RB1: variants seen among roughly 807,000 people sequenced by gnomAD.
The protein encoded by RB1 is retinoblastoma-associated protein.
In RB1, 18 loss-of-function variants were observed where a neutral mutation model predicts 135.4. The ratio of observed to expected loss-of-function variants is 0.13; its 90% confidence interval spans 0.09 to 0.20. The LOEUF (loss-of-function observed/expected upper bound fraction) is 0.20, where lower values mean the gene tolerates loss of function less well. Ranked by LOEUF, RB1 falls within the 10% of genes least tolerant of loss-of-function variation. RB1 has a pLI of 1.00. For missense variants in RB1, 868 were observed against 1,110.0 expected (o/e 0.78, Z 3.10); for synonymous variants, 365 against 373.2 (o/e 0.98, Z 0.25).
intron 2 of RB1, among the ~76,000 whole-genome samples, chr13:48,339,374 G>T (rs139252308): frequency 1.3e-5 from 2 of 152,170 alleles, no homozygotes; most frequent in Non-Finnish European, 2.9e-5. Context: ...CAGCAATGGC[G>T]GGCGCCCCTC....
intron 17 of RB1, chr13:48,411,180 G>T: frequency 2.1e-6 from 1 of 469,840 alleles, no homozygotes; most frequent in Non-Finnish European, 3.8e-6. Context: ...AAATCAAAAT[G>T]GCTCAGAAAA....
intron 23 of RB1, among the ~76,000 whole-genome samples, chr13:48,465,654 A>T (rs1488743931): frequency 6.6e-6 from 1 of 151,628 alleles, no homozygotes; most frequent in Non-Finnish European, 1.5e-5. Flanking sequence ...TACCGGGTTC[A>T]TCTCACTAGG....
At chr13:48,318,426 A>G (rs1046362863) in intron 2 of RB1, 19 of 1,488,238 alleles carry the variant, frequency 1.3e-5, no homozygotes, top group African/African-American at 2.8e-5. Flanking sequence ...GTCACTGTCC[A>G]GGGAGCTGCT....
chr13:48,426,497 T>C (rs963855279), intron 17 of RB1: 5 of 152,214 alleles, frequency 3.3e-5, no homozygotes, highest in Admixed American at 1.3e-4. Flanking sequence ...GGTTAACACA[T>C]TGCATATTGC....
chr13:48,351,982 T>G (rs557112877), intron 6 of RB1, among the ~76,000 whole-genome samples: 68 of 152,038 alleles, frequency 4.5e-4, no homozygotes, highest in African/African-American at 1.6e-3. Context: ...CCTGGCCATC[T>G]TCAATCCATC....
At chr13:48,311,988 A>G (rs777035690) in intron 2 of RB1, among the ~76,000 whole-genome samples, 4 of 152,246 alleles carry the variant, frequency 2.6e-5, no homozygotes, top group Non-Finnish European at 5.9e-5. Context: ...GGCGTGAGCC[A>G]CTGTGCCTGG....
intron 24 of RB1, among the ~76,000 whole-genome samples, chr13:48,474,466 A>T (rs1229751081): frequency 6.6e-6 from 1 of 152,210 alleles, no homozygotes; most frequent in Non-Finnish European, 1.5e-5. Context: ...GATACCATGT[A>T]TGTATGTACA....
Position 48,480,277 on chromosome 13 carries a change from A to C in RB1, c.*206A>C. ...GTCATTGTTATTTATACAAGATTGA[A>C]AATCTTGTGTAAATCCTGCCATTTA... On this transcript the variant is annotated 3_prime_UTR_variant, in exon 27 of 27. Transcript: ENST00000267163. The C allele has an allele frequency of 3.4e-6, 2 of 581,048 alleles. No individual in the cohort carries two copies. Among genetic ancestry groups the C allele is most frequent in the Non-Finnish European group, 6.2e-6 (2 of 323,418 alleles). The allele number at this position is 581,048 out of a possible 1,614,324, so 36.0% of individuals were successfully genotyped here. A position where few individuals can be genotyped will look rare whatever the true frequency, so the allele number is the denominator to read the frequency against.
At chr13:48,349,125 C>G (rs1358480521) in intron 6 of RB1, 102 bp downstream of exon 6, 2 of 1,193,028 alleles carry the variant, frequency 1.7e-6, no homozygotes, top group Non-Finnish European at 2.3e-6. Flanking sequence ...TAATGTACTC[C>G]TCCCTCATTC....
At chr13:48,313,218 T>G (rs1952146805) in intron 2 of RB1, among the ~76,000 whole-genome samples, 1 of 152,180 alleles carries the variant, frequency 6.6e-6, no homozygotes, top group Non-Finnish European at 1.5e-5. Flanking sequence ...AATTCTGTTT[T>G]TAAGATGCAG....
In RB1 at chr13:48,476,808, C is replaced by T. The variant is rs1593547215; in HGVS notation, c.2628C>T (p.Arg876=). The T allele has an allele frequency of 6.2e-7, 1 of 1,613,674 alleles. No homozygotes were observed. The highest frequency in any genetic ancestry group is 8.5e-7 in the Non-Finnish European group (1 of 1,179,674). ...CTCCTAAACCACTGAAAAAACTACG[C>T]TTTGATATTGAAGGATCAGATGAAG... ...SNPPKPLKKL[R]FDIEGSDEAD... The change falls in exon 25 of 27, where the codon CGC becomes CGT. Residue 876 remains arginine, a synonymous_variant. Transcript: ENST00000267163.
intron 17 of RB1, among the ~76,000 whole-genome samples, chr13:48,398,099 C>G (rs868304405): frequency 1.3e-5 from 2 of 152,252 alleles, no homozygotes; most frequent in South Asian, 2.1e-4. Context: ...GCCATATATA[C>G]TTTTACACAA....
chr13:48,340,052 G>C (rs1952429066), intron 2 of RB1, among the ~76,000 whole-genome samples: 1 of 152,118 alleles, frequency 6.6e-6, no homozygotes, highest in East Asian at 1.9e-4. Context: ...GGTAATGGAG[G>C]AAGGATATTC....
At chr13:48,317,471 T>C in intron 2 of RB1, 1 of 432,694 alleles carries the variant, frequency 2.3e-6, no homozygotes, top group Non-Finnish European at 4.2e-6. Flanking sequence ...TGGCTAGGGG[T>C]CAGGAAGCCC....
At chr13:48,416,901 A>C (rs897583277) in intron 17 of RB1, among the ~76,000 whole-genome samples, 2 of 152,164 alleles carry the variant, frequency 1.3e-5, no homozygotes, top group African/African-American at 4.8e-5. Flanking sequence ...CTCTGAAAAA[A>C]AGGCAGCAGC....
intron 6 of RB1, among the ~76,000 whole-genome samples, chr13:48,354,458 T>C (rs1952573678): frequency 6.6e-5 from 10 of 152,102 alleles, no homozygotes; most frequent in Admixed American, 5.9e-4. Context: ...AAAAAAATTT[T>C]ATGTTGTTCA....
intron 2 of RB1, among the ~76,000 whole-genome samples, chr13:48,332,742 A>C (rs1169844207): frequency 1.3e-5 from 2 of 152,202 alleles, no homozygotes; most frequent in African/African-American, 4.8e-5. Flanking sequence ...GTGAAGTGAT[A>C]GATATGTTAA....
intron 2 of RB1, among the ~76,000 whole-genome samples, chr13:48,308,745 G>A (rs1219265739): frequency 6.6e-6 from 1 of 151,856 alleles, no homozygotes; most frequent in African/African-American, 2.4e-5. Flanking sequence ...CTTTTTTTAT[G>A]TGTAAAATGT....
At chr13:48,460,432 T>A (rs997674015) in intron 20 of RB1, among the ~76,000 whole-genome samples, 4 of 152,214 alleles carry the variant, frequency 2.6e-5, no homozygotes, top group African/African-American at 9.6e-5. Flanking sequence ...AACTGCTTAT[T>A]TAATGACACA....
Sources: allele counts gnomAD v4.1 joint callset (sites outside exome capture counted in the v4.1 genomes callset), GRCh38; gene constraint gnomAD v4.1.1; transcripts MANE v1.5; gene names NCBI Gene and HGNC (gene_info 2026-07-23, HGNC 2026-07-21).